The following WIPF1 variants were observed in gnomAD, a reference collection of about 807,000 sequenced individuals.
The protein encoded by WIPF1 is WAS/WASL-interacting protein family member 1.
WIPF1 carries 13 observed loss-of-function variants against 35.4 expected under a neutral mutation model. The ratio of observed to expected loss-of-function variants is 0.37; its 90% CI spans 0.24 to 0.58. The LOEUF is 0.58. Among genes scored for constraint, WIPF1 ranks in the 20% least tolerant of loss-of-function variants. The pLI is 0.74. For synonymous variants in WIPF1, 267 were observed against 266.3 expected, an observed-to-expected ratio of 1.00 and a Z score of -0.02; for missense variants, 591 against 667.0, an observed-to-expected ratio of 0.89 and a Z score of 1.25.
At chr2:174,563,949 T>C (rs897955511) in intron 7 of WIPF1, among the ~76,000 whole-genome samples, 2 of 152,132 alleles carry the variant, frequency 1.3e-5, no homozygotes, top group African/African-American at 4.8e-5. Flanking sequence ...CCCAACCAAA[T>C]ATTTTCTTGG....
chr2:174,622,271 A>T lies in WIPF1; in HGVS notation c.-38-36660T>A, dbSNP rs1225200912. Among the ~76,000 whole-genome samples, 1 of 152,178 alleles carries T rather than the reference A, an allele frequency of 6.6e-6. No homozygotes were observed. Among genetic ancestry groups the T allele is most frequent in the Non-Finnish European group, 1.5e-5 (1 of 68,032 alleles). On this transcript the variant is annotated intron_variant, in intron 1 of 8. Coordinates refer to the WIPF1 transcript ENST00000272746. This position sits in a 1 kb window ranked among gnomAD's most constrained non-coding sequence, Gnocchi z 5.1. Reference sequence around the variant, plus strand: ...CTTCATAATTTTGTCATGCCTGCATACCACCAAAACTATATGATTTGTTTA... The same window carrying T: ...CTTCATAATTTTGTCATGCCTGCATTCCACCAAAACTATATGATTTGTTTA...
chr2:174,636,124 T>C (rs1016062345), intron 1 of WIPF1, among the ~76,000 whole-genome samples: 1 of 152,208 alleles, frequency 6.6e-6, no homozygotes, highest in East Asian at 1.9e-4. Context: ...GTAAGAACTT[T>C]GGAAAAACAA....
chr2:174,666,542 T>A (rs1687895534), intron 1 of WIPF1, among the ~76,000 whole-genome samples: 1 of 152,226 alleles, frequency 6.6e-6, no homozygotes, highest in South Asian at 2.1e-4. Flanking sequence ...ACTGGTTTCA[T>A]GAGAGTTCAT....
At chr2:174,666,501 G>A (rs1004011937) in intron 1 of WIPF1, among the ~76,000 whole-genome samples, 5 of 152,216 alleles carry the variant, frequency 3.3e-5, no homozygotes, top group Non-Finnish European at 7.3e-5. Flanking sequence ...GGCACACCCT[G>A]CCCTCTAGTT....
chr2:174,571,738 G>A lies in WIPF1; in HGVS notation c.1067C>T (p.Pro356Leu). The A allele has an allele frequency of 6.2e-7, 1 of 1,614,194 alleles. No individual in the cohort carries two copies. Among genetic ancestry groups the A allele is most frequent in the Non-Finnish European group, 8.5e-7 (1 of 1,180,030 alleles). Residue 356 changes from proline (P) to leucine (L), a missense_variant, in exon 5 of 8, where the codon CCT (proline) becomes CTT (leucine). Physicochemically the swap from Pro to Leu is moderately conservative, Grantham distance 98. Coordinates refer to ENST00000679041, the MANE Select transcript of WIPF1 (RefSeq NM_001375834.1). The surrounding 1 kb of genome is among the most constrained non-coding windows in gnomAD (Gnocchi z 4.6). ...PPLPSPGRSG[P>L]LPPPPSERPP... ...TCTCTCACTGGGCGGGGGAGGAAGA[G>A]GACCTGAACGTCCTGGCGAAGGTAA...
chr2:174,576,031 T>G (rs1305064917), intron 3 of WIPF1, among the ~76,000 whole-genome samples: 4 of 152,126 alleles, frequency 2.6e-5, no homozygotes, highest in Admixed American at 2.6e-4. Flanking sequence ...GACTGGAGGA[T>G]AGCTTAGGCC....
upstream of WIPF1, among the ~76,000 whole-genome samples, chr2:174,602,166 CA>C (rs1432482994): frequency 6.6e-6 from 1 of 152,104 alleles, no homozygotes; most frequent in African/African-American, 2.4e-5. Flanking sequence ...AAACAATAAC[CA>C]ATAGGCTCGC....
rs41270199 is a variant in WIPF1, at chr2:174,568,039, G to A, written c.1164C>T (p.Asn388=). 243 of 1,613,344 alleles carry A rather than the reference G, an allele frequency of 1.5e-4. No individual in the cohort carries two copies. The highest frequency in any genetic ancestry group is 1.6e-4 in the East Asian group (7 of 44,884). ...CAGGCAGGGCCCGAGATGTGCTGCC[G>A]TTTCTGCTTACTGGAGGAGGTGGTG... The part of the protein sequence containing the change: ...PLPPPPPVSR[N]GSTSRALPAT... The change falls in exon 6 of 8, where the codon AAC becomes AAT. Residue 388 remains asparagine (N), a synonymous_variant. Transcript: ENST00000679041.
intron 7 of WIPF1, among the ~76,000 whole-genome samples, chr2:174,564,226 A>G (rs1684572657): frequency 6.6e-6 from 1 of 152,206 alleles, no homozygotes; most frequent in Non-Finnish European, 1.5e-5. Flanking sequence ...TAGATGATCC[A>G]TTATCATTAT....
At chr2:174,668,242 GTTC>G (rs1559177472) in intron 1 of WIPF1, among the ~76,000 whole-genome samples, 1 of 152,174 alleles carries the variant, frequency 6.6e-6, no homozygotes, top group Non-Finnish European at 1.5e-5. Context: ...GCAGGCCTGC[GTTC>G]TTATCTCATC....
intron 1 of WIPF1, among the ~76,000 whole-genome samples, chr2:174,620,764 C>T (rs538581279): frequency 3.3e-5 from 5 of 152,280 alleles, no homozygotes; most frequent in African/African-American, 1.2e-4. Flanking sequence ...TAACGGGGTG[C>T]ACATGATGCC....
rs1218307366 is a variant in WIPF1 at position 174,587,947 on chromosome 2, TTTC to T, written c.-38-2339_-38-2337del. Among the ~76,000 whole-genome samples, 504 of 152,312 alleles carry T rather than the reference TTTC, an allele frequency of 3.3e-3. 3 individuals are homozygous for T. Among genetic ancestry groups the T allele is most frequent in the African/African-American group, 0.012 (492 of 41,558 alleles). On this transcript the variant is annotated intron_variant, in intron 1 of 7. Transcript: ENST00000679041. ...CAGGCAAGGATTCTTTTAAAGTCTG[TTTC>T]TTAAATTGCTCTTTCTGGCATGACA...
rs1156926942 is a variant in WIPF1 at position 174,562,349 on chromosome 2, T to C, written c.*198A>G. On this transcript the variant is annotated 3_prime_UTR_variant, in exon 8 of 8. Transcript: ENST00000679041. ...GCTGCAGCTGAAGCAAGCAATAGCC[T>C]GGAGAATAAACACAATATGAAAAGC... 2.0e-6 allele frequency: 3 copies of C among 1,482,450 alleles called. No individual in the cohort carries two copies. The highest frequency in any genetic ancestry group is 2.8e-5 in the African/African-American group (2 of 70,730). 91.8% of individuals were successfully genotyped at this position (1,482,450 alleles called of 1,614,324 possible). A position where few individuals can be genotyped will look rare whatever the true frequency, so the allele number is the denominator to read the frequency against.
chr2:174,682,485 C>T (rs1050857951), intron 1 of WIPF1, among the ~76,000 whole-genome samples: 1 of 152,110 alleles, frequency 6.6e-6, no homozygotes, highest in Non-Finnish European at 1.5e-5. Context: ...GCGGTGAGCT[C>T]AGCCCGAGGC....
At chr2:174,601,715 TC>T (rs1205883113), upstream of WIPF1, among the ~76,000 whole-genome samples, 4 of 152,216 alleles carry the variant, frequency 2.6e-5, no homozygotes, top group Non-Finnish European at 5.9e-5. Context: ...GCAGCCACGT[TC>T]TTTAAAAAGA....
At chr2:174,576,605 C>A (rs891136350) in intron 3 of WIPF1, among the ~76,000 whole-genome samples, 2 of 152,060 alleles carry the variant, frequency 1.3e-5, no homozygotes, top group Non-Finnish European at 2.9e-5. Flanking sequence ...TTGAATTTAT[C>A]TGCAAAAAAT....
intron 1 of WIPF1, among the ~76,000 whole-genome samples, chr2:174,625,013 T>A (rs1257945489): frequency 6.6e-6 from 1 of 152,112 alleles, no homozygotes; most frequent in African/African-American, 2.4e-5. Context: ...AGCCTTAAGG[T>A]CCTGGACCAC....
chr2:174,678,263 T>C, intron 1 of WIPF1, among the ~76,000 whole-genome samples: 1 of 152,170 alleles, frequency 6.6e-6, no homozygotes, highest in East Asian at 1.9e-4. Context: ...AGAAGAAAAA[T>C]ATATATACCC....
intron 1 of WIPF1, among the ~76,000 whole-genome samples, chr2:174,631,400 G>A (rs1237258522): frequency 6.6e-6 from 1 of 152,168 alleles, no homozygotes; most frequent in African/African-American, 2.4e-5. Flanking sequence ...CTTATATGAG[G>A]TACCTAGAAA....
Sources: gnomAD v4.1 joint callset for allele counts (sites outside exome capture counted in the v4.1 genomes callset) on GRCh38, gnomAD v4.1.1 for gene constraint, Gnocchi (gnomAD v3.1) non-coding constraint, MANE v1.5 for transcripts, NCBI Gene and HGNC (gene_info 2026-07-23, HGNC 2026-07-21) for gene names.